Variants in ICE2 observed in about 807,000 individuals in gnomAD.
ICE2 encodes the protein interactor of little elongation complex ELL subunit 2.
In ICE2, 87 loss-of-function variants were observed where a neutral mutation model predicts 105.4. The observed-to-expected ratio is 0.83, with a 90% CI of 0.69 to 0.99. ICE2 has a LOEUF of 0.99. ICE2 is among the 50% of genes least tolerant of loss of function. ICE2 has a pLI of 0.00. For synonymous variants in ICE2, 399 were observed against 392.0 expected (o/e 1.02, Z -0.21); for missense variants, 1,323 against 1,146.7 (o/e 1.15, Z -2.22).
intron 5 of ICE2, among the ~76,000 whole-genome samples, chr15:60,460,640 T>C (rs1215298038): frequency 1.3e-5 from 2 of 152,186 alleles, no homozygotes; most frequent in East Asian, 1.9e-4. Flanking sequence ...TTTGTAGTGT[T>C]AGGCTGTCCA....
chr15:60,446,269 G>T (rs2063820057), intron 11 of ICE2, among the ~76,000 whole-genome samples: 1 of 152,182 alleles, frequency 6.6e-6, no homozygotes, highest in African/African-American at 2.4e-5. Flanking sequence ...TCAAGCACAA[G>T]TTCCACCAAG....
At chr15:60,453,850 G>T in intron 8 of ICE2, 66 bp from the exon 9 acceptor site, 2 of 1,251,572 alleles carry the variant, frequency 1.6e-6, no homozygotes, top group Non-Finnish European at 1.1e-6. Context: ...TTAAAAACAG[G>T]ATGTATGACA....
In ICE2 at chr15:60,468,118, C is replaced by T; in HGVS notation, c.351G>A (p.Lys117=). 6.2e-7 allele frequency: 1 copy of T among 1,613,838 alleles called. No individual in the cohort carries two copies. The highest frequency in any genetic ancestry group is 1.3e-5 in the African/African-American group (1 of 75,008). Residue 117 remains lysine (K), a synonymous_variant, in exon 4 of 16, where the codon AAG becomes AAA. Transcript: ENST00000261520. The part of the protein sequence containing the change: ...SYVDLLVKYA[K]IPANSKAVGI... ...CAACAGCTTTGGAATTTGCAGGAAT[C>T]TTTGCGTATTTAACCAACAAGTCCA...
In ICE2 at chr15:60,450,975, G is replaced by A. The variant is rs558968965; in HGVS notation, c.1126-1134C>T. ...ACAAAACAACTACAGATGCCATCAA[G>A]AGATAAAAAGAGGAAGAATAGCAAT... On this transcript the variant is annotated intron_variant, in intron 9 of 15. Transcript: ENST00000261520. 6.8e-5 allele frequency: 12 copies of A among 176,114 alleles called. No individual in the cohort carries two copies. The South Asian group carries it at 1.9e-3, about 28-fold the overall frequency. 10.9% of individuals were successfully genotyped at this position (176,114 alleles called of 1,614,324 possible).
At chr15:60,436,980 TGGTGGC>T in intron 12 of ICE2, among the ~76,000 whole-genome samples, 1 of 152,112 alleles carries the variant, frequency 6.6e-6, no homozygotes, top group South Asian at 2.1e-4. Flanking sequence ...AGACTGGGTG[TGGTGGC>T]TCACGCCTGA....
chr15:60,455,588 T>C, intron 6 of ICE2, 146 bp from the exon 7 acceptor site: 2 of 614,968 alleles, frequency 3.3e-6, no homozygotes, highest in Non-Finnish European at 5.6e-6. Flanking sequence ...TATGCCAAGA[T>C]ATTCATGTTT....
chr15:60,442,266 C>G (rs1002068797), intron 12 of ICE2, 150 bp downstream of exon 12: 7 of 663,250 alleles, frequency 1.1e-5, no homozygotes, highest in African/African-American at 3.8e-5. Context: ...ATACTCCAGC[C>G]TGGGCAACAG....
chr15:60,456,708 G>A lies in ICE2; in HGVS notation c.615C>T (p.Phe205=), dbSNP rs1172114040. ...LHEVTSLMGF[F]PFRVEMGLKL... is the part of the protein sequence containing the mutation. ...TTAATCCCATCTCTACTCTGAATGG[G>A]AAGAATCCCATTAAGCTGGTGACCT... Residue 205 remains phenylalanine (F), a synonymous_variant, in exon 6 of 16, where the codon TTC becomes TTT. Transcript: ENST00000261520. 2 of 1,599,186 alleles carry A rather than the reference G, an allele frequency of 1.3e-6. No homozygotes were observed. Among genetic ancestry groups the A allele is most frequent in the Non-Finnish European group, 1.7e-6 (2 of 1,172,430 alleles).
chr15:60,452,874 T>C (rs1416402263), intron 9 of ICE2: 30 of 985,296 alleles, frequency 3.0e-5, no homozygotes, highest in Non-Finnish European at 3.5e-5. Context: ...AGATTAACAA[T>C]CTGGCAAAAT....
chr15:60,443,301 G>A (rs1288977345), intron 11 of ICE2, among the ~76,000 whole-genome samples: 1 of 152,190 alleles, frequency 6.6e-6, no homozygotes, highest in Non-Finnish European at 1.5e-5. Flanking sequence ...TGCAGAAAGA[G>A]AAACACATGA....
At chr15:60,430,261 G>A (rs2063427509) in intron 14 of ICE2, among the ~76,000 whole-genome samples, 1 of 152,194 alleles carries the variant, frequency 6.6e-6, no homozygotes, top group Admixed American at 6.5e-5. Context: ...TTTGAAGATG[G>A]AGGAAGGGAG....
chr15:60,423,947 T>G (rs1239687166), intron 15 of ICE2, among the ~76,000 whole-genome samples, 185 bp from the exon 16 acceptor site: 1 of 152,242 alleles, frequency 6.6e-6, no homozygotes, highest in Non-Finnish European at 1.5e-5. Context: ...GTACTAAACT[T>G]TCAAATAACC....
intron 9 of ICE2, among the ~76,000 whole-genome samples, chr15:60,450,204 T>C (rs892435362): frequency 3.3e-5 from 5 of 152,186 alleles, no homozygotes; most frequent in Non-Finnish European, 7.3e-5. Context: ...GTCTACTCTA[T>C]AGGCTCCTGC....
intron 4 of ICE2, among the ~76,000 whole-genome samples, chr15:60,467,749 T>G (rs186505132): frequency 2.3e-3 from 345 of 152,334 alleles, no homozygotes; most frequent in Admixed American, 3.3e-3. Context: ...ATAGCATCAT[T>G]TATATAATTG....
chr15:60,453,112 A>T, intron 9 of ICE2: 1 of 606,178 alleles, frequency 1.6e-6, no homozygotes, highest in South Asian at 7.4e-5. Flanking sequence ...CACACCTGTA[A>T]TCTCAGCTAC....
intron 11 of ICE2, among the ~76,000 whole-genome samples, chr15:60,444,056 G>A (rs896028007): frequency 3.3e-5 from 5 of 152,128 alleles, no homozygotes; most frequent in African/African-American, 4.8e-5. Context: ...AGCTATGATC[G>A]TGCTACTGCA....
intron 9 of ICE2, chr15:60,453,311 C>A: frequency 8.8e-7 from 1 of 1,134,004 alleles, no homozygotes; most frequent in Non-Finnish European, 1.1e-6. Flanking sequence ...GGAGTTTTCA[C>A]TACATACATA....
chr15:60,445,588 G>A (rs2063805799), intron 11 of ICE2: 1 of 961,670 alleles, frequency 1.0e-6, no homozygotes, highest in African/African-American at 1.8e-5. Context: ...TCTTTAGGGT[G>A]TGACTATTTT....
At chr15:60,426,269 T>C in intron 15 of ICE2, among the ~76,000 whole-genome samples, 1 of 152,192 alleles carries the variant, frequency 6.6e-6, no homozygotes, top group Middle Eastern at 3.2e-3. Context: ...TGTTACAACA[T>C]AACAGTGCAA....
Sources: gnomAD v4.1 joint callset for allele counts (sites outside exome capture counted in the v4.1 genomes callset) on GRCh38, gnomAD v4.1.1 for gene constraint, MANE v1.5 for transcripts, NCBI Gene and HGNC (gene_info 2026-07-23, HGNC 2026-07-21) for gene names.